Variants in MYO16 observed in about 807,000 individuals in gnomAD.
MYO16 encodes the protein unconventional myosin-XVI.
Under a neutral mutation model 205.3 loss-of-function variants are expected in MYO16, and 94 were observed. The ratio of observed to expected loss-of-function variants is 0.46; its 90% CI spans 0.39 to 0.54. MYO16 has a LOEUF of 0.54. MYO16 is among the 20% of genes least tolerant of loss of function. The pLI is 0.00. For synonymous variants in MYO16, 988 were observed against 954.0 expected (o/e 1.04, Z -0.66); for missense variants, 2,315 against 2,387.5 (o/e 0.97, Z 0.63).
At chr13:108,976,530 A>G (rs1884262987) in intron 20 of MYO16, among the ~76,000 whole-genome samples, 1 of 152,168 alleles carries the variant, frequency 6.6e-6, no homozygotes, top group Non-Finnish European at 1.5e-5. Context: ...TTACAAACCA[A>G]AGGATATGTG....
At chr13:108,610,574 T>C (rs1246119901) in intron 1 of MYO16, among the ~76,000 whole-genome samples, 1 of 152,184 alleles carries the variant, frequency 6.6e-6, no homozygotes, top group East Asian at 1.9e-4. Context: ...TCAAATTGCA[T>C]GCATAGGTGC....
chr13:109,141,182 T>C lies in MYO16; in HGVS notation c.4970T>C (p.Ile1657Thr), dbSNP rs765345592. 2.5e-6 allele frequency: 4 copies of C among 1,607,372 alleles called. No homozygotes were observed. The highest frequency in any genetic ancestry group is 3.4e-6 in the Non-Finnish European group (4 of 1,177,068). Residue 1657 changes from isoleucine (I) to threonine (T), a missense_variant, in exon 32 of 35, where the codon ATC becomes ACC. By Grantham distance (89) the Ile-to-Thr change is moderately conservative. Around this residue, in one of 3 missense-constraint regions of MYO16, gnomAD observed 1,097 missense variants for 1,092.0 expected, o/e 1.00. Coordinates refer to ENST00000457511, the MANE Select transcript of MYO16 (RefSeq NM_001198950.3). The surrounding 1 kb of genome is among the most constrained non-coding windows in gnomAD (Gnocchi z 4.1). ...GGGCCCTGCAGCTCCTTCCCCAAGATCCCATATTCCCCCGTGAAGGCCACC... is the reference window on the plus strand; with the variant it reads ...GGGCCCTGCAGCTCCTTCCCCAAGACCCCATATTCCCCCGTGAAGGCCACC... ...VAGPCSSFPK[I>T]PYSPVKATRA...
At chr13:109,041,704 C>G (rs1886889710) in intron 23 of MYO16, among the ~76,000 whole-genome samples, 1 of 152,050 alleles carries the variant, frequency 6.6e-6, no homozygotes, top group African/African-American at 2.4e-5. Flanking sequence ...GTAAAGAGTA[C>G]ACAAGATTTA....
intron 3 of MYO16, among the ~76,000 whole-genome samples, chr13:108,716,691 A>G (rs548003665): frequency 3.3e-5 from 5 of 152,184 alleles, no homozygotes; most frequent in Admixed American, 6.5e-5. Context: ...CTGATGCTTC[A>G]TCAGCACTGA....
At chr13:108,999,454 A>G (rs1370366701) in intron 21 of MYO16, among the ~76,000 whole-genome samples, 1 of 152,222 alleles carries the variant, frequency 6.6e-6, no homozygotes, top group African/African-American at 2.4e-5. Flanking sequence ...GAACTCTAGC[A>G]TAATGCTATT....
chr13:109,020,009 G>A, intron 23 of MYO16, 98 bp downstream of exon 23: 23 of 1,227,856 alleles, frequency 1.9e-5, no homozygotes, highest in Non-Finnish European at 2.6e-5. Context: ...TGTGTTATTT[G>A]GATAAATGGA....
chr13:108,584,100 C>T, the MYO16 span, among the ~76,000 whole-genome samples: 1 of 151,978 alleles, frequency 6.6e-6, no homozygotes, highest in African/African-American at 2.4e-5. Context: ...ACTACAGGTG[C>T]CCACCACCAC....
At chr13:108,793,310 A>G (rs1228097753) in intron 5 of MYO16, among the ~76,000 whole-genome samples, 1 of 149,064 alleles carries the variant, frequency 6.7e-6, no homozygotes, top group Non-Finnish European at 1.5e-5. Flanking sequence ...AAAAAACATA[A>G]CAAGAGATAA....
chr13:108,535,694 G>A, the MYO16 span, among the ~76,000 whole-genome samples: 1 of 152,136 alleles, frequency 6.6e-6, no homozygotes, highest in Non-Finnish European at 1.5e-5. Context: ...GCTACAAAAA[G>A]TAATGGAATA....
chr13:108,658,030 C>A (rs1451879482), intron 1 of MYO16, among the ~76,000 whole-genome samples: 2 of 152,090 alleles, frequency 1.3e-5, no homozygotes, highest in Non-Finnish European at 2.9e-5. Context: ...AAGAGATTGA[C>A]CTGTAATCTC....
intron 4 of MYO16, among the ~76,000 whole-genome samples, chr13:108,738,581 T>A (rs1884787487): frequency 6.6e-6 from 1 of 152,178 alleles, no homozygotes; most frequent in Non-Finnish European, 1.5e-5. Flanking sequence ...TTGGAATAAG[T>A]CTGATGTGGT....
intron 1 of MYO16, among the ~76,000 whole-genome samples, chr13:108,597,891 A>G (rs1878619158): frequency 6.6e-6 from 1 of 152,198 alleles, no homozygotes; most frequent in Admixed American, 6.5e-5. Flanking sequence ...TTGTAACTCT[A>G]TATGTATGTT....
chr13:109,001,439 T>G (rs1594459581), intron 21 of MYO16, among the ~76,000 whole-genome samples: 1 of 152,058 alleles, frequency 6.6e-6, no homozygotes, highest in Non-Finnish European at 1.5e-5. Context: ...TCGGCAGAGG[T>G]AGTATCCTCT....
intron 16 of MYO16, among the ~76,000 whole-genome samples, chr13:108,950,152 A>C (rs893625234): frequency 6.6e-5 from 10 of 152,232 alleles, no homozygotes; most frequent in Non-Finnish European, 1.2e-4. Context: ...TAAGCTTGAC[A>C]TCAAAATCAT....
intron 14 of MYO16, 92 bp downstream of exon 14, chr13:108,888,569 C>G (rs1213068838): frequency 1.5e-6 from 1 of 679,870 alleles, no homozygotes; most frequent in African/African-American, 1.8e-5. Flanking sequence ...ATAATAGATA[C>G]AAGGGGGTTC....
At chr13:108,928,238 G>A (rs961006621) in intron 16 of MYO16, among the ~76,000 whole-genome samples, 4 of 152,190 alleles carry the variant, frequency 2.6e-5, no homozygotes, top group Admixed American at 6.5e-5. Flanking sequence ...GTGTACCGAC[G>A]ACAGAGGGGC....
intron 10 of MYO16, among the ~76,000 whole-genome samples, chr13:108,855,050 C>G (rs1242432019): frequency 1.3e-5 from 2 of 152,136 alleles, no homozygotes; most frequent in Non-Finnish European, 2.9e-5. Flanking sequence ...TTTGCTTTAG[C>G]TTAGGGAACA....
intron 28 of MYO16, among the ~76,000 whole-genome samples, chr13:109,103,090 A>G (rs1025491457): frequency 6.6e-6 from 1 of 152,200 alleles, no homozygotes; most frequent in Non-Finnish European, 1.5e-5. Flanking sequence ...CACAGAAATG[A>G]AGCATATTCA....
chr13:108,639,114 T>G (rs7985151), intron 1 of MYO16, among the ~76,000 whole-genome samples: 14,298 of 152,134 alleles, frequency 0.094, 1,265 homozygotes, highest in African/African-American at 0.23. Flanking sequence ...CAAGAGCGAG[T>G]GATGTGATCA....
Sources: gnomAD v4.1 joint callset for allele counts (sites outside exome capture counted in the v4.1 genomes callset) on GRCh38, gnomAD v4.1.1 for gene constraint, gnomAD v4.1.1 regional missense constraint, Gnocchi (gnomAD v3.1) non-coding constraint, MANE v1.5 for transcripts, NCBI Gene and HGNC (gene_info 2026-07-23, HGNC 2026-07-21) for gene names.